The following NUBP1 variants were observed in gnomAD, a reference collection of about 807,000 sequenced individuals.
The protein encoded by NUBP1 is cytosolic Fe-S cluster assembly factor NUBP1.
Under a neutral mutation model 41.8 loss-of-function variants are expected in NUBP1, and 46 were observed. That is an observed-to-expected ratio of 1.10 (90% CI 0.87 to 1.41). NUBP1 has a LOEUF of 1.41. Ranked by LOEUF, NUBP1 falls within the 40% of genes most tolerant of loss-of-function variation. The probability of loss-of-function intolerance (pLI) is 0.00; values close to 1 mark genes in which losing one functional copy is unlikely to be tolerated. For missense variants in NUBP1, 494 were observed against 414.0 expected (o/e 1.19, Z -1.68); for synonymous variants, 189 against 154.6 (o/e 1.22, Z -1.65).
chr16:10,756,773 GA>G lies in NUBP1; in HGVS notation c.449del (p.Asn150ThrfsTer3). 2 of 1,591,784 alleles carry G rather than the reference GA, an allele frequency of 1.3e-6. No homozygotes were observed. The highest frequency in any genetic ancestry group is 2.3e-5 in the East Asian group (1 of 42,768). On this transcript the variant is annotated frameshift_variant, in exon 6 of 11. Coordinates refer to ENST00000283027, the MANE Select transcript of NUBP1 (RefSeq NM_002484.4). LOFTEE classifies it high-confidence loss of function. ...DDAVIWRGPKKNGMIKQFLRD... is the reference protein window; with the variant it reads ...DDAVIWRGPKXNGMIKQFLRD... Reference sequence around the variant, plus strand: ...ATGCTGTTATCTGGAGGGGACCCAAGAAAAACGGTTTGCCACTCTGCCTTTT... The same window carrying G: ...ATGCTGTTATCTGGAGGGGACCCAAGAAAACGGTTTGCCACTCTGCCTTTT...
In NUBP1 at chr16:10,757,964, C is replaced by T. The variant is rs142124667; in HGVS notation, c.543C>T (p.Leu181=). 1 of 1,614,146 alleles carries T rather than the reference C, an allele frequency of 6.2e-7. No individual in the cohort carries two copies. The highest frequency in any genetic ancestry group is 2.2e-5 in the East Asian group (1 of 44,886). Residue 181 remains leucine (L), a synonymous_variant, in exon 7 of 11, where the codon CTC becomes CTT. Transcript: ENST00000283027. The surrounding 1 kb of genome is among the most constrained non-coding windows in gnomAD (Gnocchi z 4.1). ...CACCTGGGACGTCGGATGAACACCTCTCGGTCGTCCGGTACCTGGCCACAG... is the reference window on the plus strand; with the variant it reads ...CACCTGGGACGTCGGATGAACACCTTTCGGTCGTCCGGTACCTGGCCACAG... ...DTPPGTSDEH[L]SVVRYLATAH...
In NUBP1 at chr16:10,769,227, TG is replaced by T. The variant is rs1371998465; in HGVS notation, c.*124del. 3 of 778,122 alleles carry T rather than the reference TG, an allele frequency of 3.9e-6. No individual in the cohort carries two copies. Among genetic ancestry groups the T allele is most frequent in the Non-Finnish European group, 6.5e-6 (3 of 463,174 alleles). 48.2% of individuals were successfully genotyped at this position (778,122 alleles called of 1,614,324 possible). A position where few individuals can be genotyped will look rare whatever the true frequency, so the allele number is the denominator to read the frequency against. ...ACAGCAAAAGGACCAGATGCTGGTG[TG>T]GTCCGAAGCCACTTTCTCAGAGACA... On this transcript the variant is annotated 3_prime_UTR_variant, in exon 11 of 11. Coordinates refer to ENST00000283027, the MANE Select transcript of NUBP1 (RefSeq NM_002484.4).
At chr16:10,755,425 T>C (rs888229818) in intron 4 of NUBP1, among the ~76,000 whole-genome samples, 1 of 152,194 alleles carries the variant, frequency 6.6e-6, no homozygotes, top group African/African-American at 2.4e-5. Context: ...TTATGACTCT[T>C]TTAAGATACC....
At chr16:10,763,340 G>A (rs1024330969) in intron 9 of NUBP1, among the ~76,000 whole-genome samples, 19 of 152,044 alleles carry the variant, frequency 1.2e-4, no homozygotes, top group Admixed American at 2.0e-4. Context: ...TGGCTGCCTC[G>A]AGGAAGTGGT....
At chr16:10,747,022 G>C in intron 2 of NUBP1, 121 bp from the exon 3 acceptor site, 2 of 1,196,210 alleles carry the variant, frequency 1.7e-6, no homozygotes, top group Non-Finnish European at 2.4e-6. Context: ...TCAGAGGATC[G>C]TTTTAAACAG....
chr16:10,744,050 G>T lies in NUBP1; in HGVS notation c.109G>T (p.Ala37Ser), dbSNP rs566213410. ...NQRLCASGAG[A>S]TPDTAIEEIK... is the part of the protein sequence containing the mutation. ...GCGGCTGTGCGCTTCTGGAGCGGGGGCCACTCCGGACACGGGTGAGAAAAG... is the reference window on the plus strand; with the variant it reads ...GCGGCTGTGCGCTTCTGGAGCGGGGTCCACTCCGGACACGGGTGAGAAAAG... Residue 37 changes from alanine to serine, a missense_variant, in exon 2 of 11, where the codon GCC becomes TCC. Transcript: ENST00000283027. 2 of 1,581,630 alleles carry T rather than the reference G, an allele frequency of 1.3e-6. No homozygotes were observed. The highest frequency in any genetic ancestry group is 8.6e-7 in the Non-Finnish European group (1 of 1,169,216).
rs1251322181 is a variant in NUBP1 at position 10,762,100 on chromosome 16, T to G, written c.820+241T>G. 1.2e-5 allele frequency: 5 copies of G among 429,056 alleles called. No individual in the cohort carries two copies. The Admixed American group carries it at 1.5e-4, about 13-fold the overall frequency. The allele number at this position is 429,056 out of a possible 1,614,324, so 26.6% of individuals were successfully genotyped here. A position where few individuals can be genotyped will look rare whatever the true frequency, so the allele number is the denominator to read the frequency against. On this transcript the variant is annotated intron_variant, in intron 9 of 10. Coordinates refer to ENST00000283027, the MANE Select transcript of NUBP1 (RefSeq NM_002484.4). The stretch of plus-strand genomic sequence containing the variant: ...GGCAGAGGGGTGAGGCCTGGAAGAA[T>G]GGGGTAGAGGTTGGTGAGGGTGGTG...
chr16:10,762,464 G>A (rs888533928), intron 9 of NUBP1, among the ~76,000 whole-genome samples: 1 of 152,216 alleles, frequency 6.6e-6, no homozygotes, highest in African/African-American at 2.4e-5. Context: ...CCACACGCCC[G>A]CCGGGCGCCC....
chr16:10,747,775 A>C (rs186788754), intron 3 of NUBP1, among the ~76,000 whole-genome samples: 2 of 152,320 alleles, frequency 1.3e-5, no homozygotes. Flanking sequence ...GCAGATGTAC[A>C]TCTGTCCTTG....
In NUBP1 at chr16:10,769,332, AT is replaced by A; in HGVS notation, c.*228del. On this transcript the variant is annotated 3_prime_UTR_variant, in exon 11 of 11. Coordinates refer to ENST00000283027, the MANE Select transcript of NUBP1 (RefSeq NM_002484.4). ...TCTCTACAAATGTGCCGTTTTAAGA[AT>A]AAAACCCCCTCAAATCTCTCCCCCG... The A allele has an allele frequency of 2.1e-6, 1 of 468,300 alleles. No homozygotes were observed. The highest frequency in any genetic ancestry group is 2.0e-5 in the African/African-American group (1 of 49,880). The allele number at this position is 468,300 out of a possible 1,614,324, so 29.0% of individuals were successfully genotyped here.
At position 10,765,424 on chromosome 16, in the gene NUBP1, T is replaced by C. The variant is rs1048791026; in HGVS notation, c.821-2525T>C. On this transcript the variant is annotated intron_variant, in intron 9 of 10. Coordinates refer to ENST00000283027, the MANE Select transcript of NUBP1 (RefSeq NM_002484.4). This position sits in a 1 kb window ranked among gnomAD's most constrained non-coding sequence, Gnocchi z 4.0. Reference sequence around the variant, plus strand: ...CAGGAGGCTGAGTTAGCAGGATCACTTGAGCCCAGGGAGGTTGAGGTTGCA... The same window carrying C: ...CAGGAGGCTGAGTTAGCAGGATCACCTGAGCCCAGGGAGGTTGAGGTTGCA... Among the ~76,000 whole-genome samples the C allele has an allele frequency of 3.3e-5, 5 of 151,630 alleles. No individual in the cohort carries two copies. Among genetic ancestry groups the C allele is most frequent in the Non-Finnish European group, 7.4e-5 (5 of 67,960 alleles).
chr16:10,744,064 G>T lies in NUBP1; in HGVS notation c.123G>T (p.Thr41=), dbSNP rs778997372. 15 of 1,576,976 alleles carry T rather than the reference G, an allele frequency of 9.5e-6. No individual in the cohort carries two copies. Among genetic ancestry groups the T allele is most frequent in the Non-Finnish European group, 1.3e-5 (15 of 1,167,138 alleles). ...CTGGAGCGGGGGCCACTCCGGACACGGGTGAGAAAAGGGCAAGGCCTCAAC... is the reference window on the plus strand; with the variant it reads ...CTGGAGCGGGGGCCACTCCGGACACTGGTGAGAAAAGGGCAAGGCCTCAAC... The part of the protein sequence containing the change: ...CASGAGATPD[T]AIEEIKEKMK... Residue 41 remains threonine, a splice_region_variant and synonymous_variant, in exon 2 of 11, where the codon ACG becomes ACT. Coordinates refer to ENST00000283027, the MANE Select transcript of NUBP1 (RefSeq NM_002484.4).
intron 3 of NUBP1, among the ~76,000 whole-genome samples, chr16:10,751,099 G>A (rs1466208239): frequency 6.6e-6 from 1 of 152,170 alleles, no homozygotes; most frequent in Non-Finnish European, 1.5e-5. Flanking sequence ...TCTCGGGCCT[G>A]CCACGGGAGT....
At chr16:10,748,190 G>C (rs903541629) in intron 3 of NUBP1, among the ~76,000 whole-genome samples, 1 of 152,038 alleles carries the variant, frequency 6.6e-6, no homozygotes, top group Non-Finnish European at 1.5e-5. Context: ...AACTCAAGGC[G>C]TCCCCCTGCC....
rs139180704 is a variant in NUBP1, at chr16:10,757,997, C to T, written c.576C>T (p.Ile192=). The part of the protein sequence containing the change: ...SVVRYLATAH[I]DGAVIITTPQ... The stretch of plus-strand genomic sequence containing the variant: ...TCCGGTACCTGGCCACAGCACACAT[C>T]GATGGAGCAGTGATCATCACCACTC... The change falls in exon 7 of 11, where the codon ATC becomes ATT. Residue 192 remains isoleucine (I), a synonymous_variant. Coordinates refer to ENST00000283027, the MANE Select transcript of NUBP1 (RefSeq NM_002484.4). This position sits in a 1 kb window ranked among gnomAD's most constrained non-coding sequence, Gnocchi z 4.1. 16 of 1,614,092 alleles carry T rather than the reference C, an allele frequency of 9.9e-6. No individual in the cohort carries two copies. The highest frequency in any genetic ancestry group is 4.5e-5 in the East Asian group (2 of 44,866).
intron 4 of NUBP1, 89 bp from the exon 5 acceptor site, chr16:10,755,632 C>G: frequency 7.6e-7 from 1 of 1,317,134 alleles, no homozygotes. Flanking sequence ...AAAAAACCAT[C>G]GTCTTACTTT....
At chr16:10,752,014 C>A (rs1311811858) in intron 3 of NUBP1, among the ~76,000 whole-genome samples, 1 of 152,216 alleles carries the variant, frequency 6.6e-6, no homozygotes, top group Non-Finnish European at 1.5e-5. Flanking sequence ...GGCACATGGC[C>A]GCCTCAGCCT....
intron 7 of NUBP1, among the ~76,000 whole-genome samples, chr16:10,758,449 C>T (rs953823884): frequency 2.0e-5 from 3 of 152,144 alleles, no homozygotes; most frequent in African/African-American, 4.8e-5. Flanking sequence ...GTCCAGCCAG[C>T]GCAAGCGAGT....
chr16:10,765,992 C>T lies in NUBP1; in HGVS notation c.821-1957C>T, dbSNP rs565278329. 6.6e-6 allele frequency: 1 copy of T among 152,380 alleles called. No homozygotes were observed. The highest frequency in any genetic ancestry group is 2.1e-4 in the South Asian group (1 of 4,828). 9.4% of individuals were successfully genotyped at this position (152,380 alleles called of 1,614,324 possible). The stretch of plus-strand genomic sequence containing the variant: ...TGGAGCATGAGGGCCAAGTGACAGA[C>T]ACGCATCTGGCAAGGTCACTGGGGA... On this transcript the variant is annotated intron_variant, in intron 9 of 10. Transcript: ENST00000283027. This position sits in a 1 kb window ranked among gnomAD's most constrained non-coding sequence, Gnocchi z 4.0.
Sources: gnomAD v4.1 joint callset for allele counts (sites outside exome capture counted in the v4.1 genomes callset) on GRCh38, gnomAD v4.1.1 for gene constraint, Gnocchi (gnomAD v3.1) non-coding constraint, MANE v1.5 for transcripts, NCBI Gene and HGNC (gene_info 2026-07-23, HGNC 2026-07-21) for gene names.